Variants in NUBPL observed in about 807,000 individuals in gnomAD.
NUBPL encodes NUBP iron-sulfur cluster assembly factor, mitochondrial.
A neutral mutation model predicts 45.7 loss-of-function variants in NUBPL; 31 were observed. The ratio of observed to expected loss-of-function variants is 0.68; its 90% CI spans 0.51 to 0.92. NUBPL has a LOEUF of 0.92. Among genes scored for constraint, NUBPL ranks in the 40% least tolerant of loss-of-function variants. NUBPL has a pLI of 0.00. For missense variants in NUBPL, 401 were observed against 398.7 expected (o/e 1.01, Z -0.05); for synonymous variants, 144 against 140.9 (o/e 1.02, Z -0.15).
intron 4 of NUBPL, among the ~76,000 whole-genome samples, chr14:31,615,661 A>C (rs2034879391): frequency 1.3e-5 from 2 of 152,218 alleles, no homozygotes; most frequent in South Asian, 4.1e-4. Context: ...ATTTCATGAT[A>C]TATACATGCC....
At chr14:31,680,297 C>T (rs1024625907) in intron 6 of NUBPL, among the ~76,000 whole-genome samples, 37 of 151,994 alleles carry the variant, frequency 2.4e-4, no homozygotes, top group African/African-American at 8.2e-4. Context: ...GACATCCTGG[C>T]CTTTATCCTG....
intron 6 of NUBPL, among the ~76,000 whole-genome samples, chr14:31,765,150 T>C (rs945692939): frequency 6.6e-6 from 1 of 152,174 alleles, no homozygotes; most frequent in Non-Finnish European, 1.5e-5. Flanking sequence ...AAAAAAAAGG[T>C]CTGACTTCTG....
chr14:31,653,783 C>T (rs898813604), intron 4 of NUBPL, among the ~76,000 whole-genome samples: 7 of 152,076 alleles, frequency 4.6e-5, no homozygotes, highest in Admixed American at 1.3e-4. Context: ...GATAAATGTC[C>T]AGGAAATCTT....
intron 6 of NUBPL, among the ~76,000 whole-genome samples, chr14:31,689,734 C>T (rs2037049421): frequency 6.6e-6 from 1 of 152,132 alleles, no homozygotes; most frequent in Admixed American, 6.6e-5. Flanking sequence ...GAAATCTTTG[C>T]CATTCCTATG....
At chr14:31,606,686 G>A (rs777521306) in intron 4 of NUBPL, among the ~76,000 whole-genome samples, 1 of 152,014 alleles carries the variant, frequency 6.6e-6, no homozygotes, top group Non-Finnish European at 1.5e-5. Flanking sequence ...GGGCCACAGA[G>A]GGCAGGGCAT....
chr14:31,671,342 G>A (rs907684062), intron 4 of NUBPL, among the ~76,000 whole-genome samples: 1 of 152,166 alleles, frequency 6.6e-6, no homozygotes, highest in African/African-American at 2.4e-5. Context: ...AAACATAGGA[G>A]TGCAGATATC....
chr14:31,787,538 G>A (rs186015923), intron 6 of NUBPL, among the ~76,000 whole-genome samples: 5 of 152,162 alleles, frequency 3.3e-5, no homozygotes, highest in Non-Finnish European at 4.4e-5. Flanking sequence ...CAACATTAAC[G>A]TGTGTGTATG....
At chr14:31,570,711 C>T (rs960508011) in intron 3 of NUBPL, among the ~76,000 whole-genome samples, 1 of 152,108 alleles carries the variant, frequency 6.6e-6, no homozygotes, top group Non-Finnish European at 1.5e-5. Flanking sequence ...AATTAAGGCA[C>T]GTGCTACTTT....
intron 6 of NUBPL, among the ~76,000 whole-genome samples, chr14:31,769,634 T>C (rs1052961235): frequency 6.6e-6 from 1 of 151,922 alleles, no homozygotes; most frequent in African/African-American, 2.4e-5. Flanking sequence ...TTTCCTGTTC[T>C]TATATAAGGT....
At chr14:31,619,694 T>C (rs747947617) in intron 4 of NUBPL, among the ~76,000 whole-genome samples, 16 of 152,202 alleles carry the variant, frequency 1.1e-4, no homozygotes, top group Non-Finnish European at 2.4e-4. Flanking sequence ...TAACCCGGCC[T>C]TTCTCTCTGG....
intron 4 of NUBPL, among the ~76,000 whole-genome samples, chr14:31,628,125 G>T (rs1485499495): frequency 6.6e-6 from 1 of 152,118 alleles, no homozygotes; most frequent in East Asian, 1.9e-4. Context: ...TAAAAAAGAA[G>T]AATATTTTAA....
intron 6 of NUBPL, among the ~76,000 whole-genome samples, chr14:31,739,255 T>TCTATATATATATATA (rs1462893613): frequency 0.017 from 2,275 of 132,884 alleles, 51 homozygotes; most frequent in Non-Finnish European, 0.026. Context: ...TATATATATT[T>TCTATATATATATATA]TTTTTTTTTA....
intron 3 of NUBPL, among the ~76,000 whole-genome samples, chr14:31,592,235 A>G (rs1044470826): frequency 3.3e-5 from 5 of 152,204 alleles, no homozygotes; most frequent in Non-Finnish European, 5.9e-5. Flanking sequence ...TAATAAGGCC[A>G]ATGTGATTTC....
At chr14:31,809,905 G>A (rs2138898451) in intron 7 of NUBPL, among the ~76,000 whole-genome samples, 1 of 152,300 alleles carries the variant, frequency 6.6e-6, no homozygotes, top group East Asian at 1.9e-4. Flanking sequence ...AGGTTGTTAA[G>A]TTTCCATGTA....
intron 6 of NUBPL, among the ~76,000 whole-genome samples, chr14:31,684,244 G>A (rs2036902584): frequency 6.6e-6 from 1 of 152,162 alleles, no homozygotes; most frequent in East Asian, 1.9e-4. Context: ...GAGTTAATAT[G>A]TGTCATATGC....
At chr14:31,852,667 G>A (rs532367127) in intron 10 of NUBPL, among the ~76,000 whole-genome samples, 5 of 152,104 alleles carry the variant, frequency 3.3e-5, no homozygotes, top group South Asian at 4.1e-4. Context: ...GCAAAACTCC[G>A]TCAAAAAATA....
chr14:31,754,850 C>T (rs865861750), intron 6 of NUBPL, among the ~76,000 whole-genome samples: 6 of 89,558 alleles, frequency 6.7e-5, no homozygotes, highest in South Asian at 5.0e-4. Flanking sequence ...CCTCCCCCCT[C>T]CCCCCACCCC....
chr14:31,809,976 G>A lies in NUBPL; in HGVS notation c.608-16653G>A, dbSNP rs545163389. On this transcript the variant is annotated intron_variant, in intron 7 of 10. Coordinates refer to ENST00000281081, the MANE Select transcript of NUBPL (RefSeq NM_025152.3). ...TTCTAATTTGATTGCACTGTGGTCT[G>A]ATAGATAGTTTGTTGTGATTTCTGT... Among the ~76,000 whole-genome samples the A allele has an allele frequency of 3.3e-5, 5 of 152,336 alleles. No homozygotes were observed. In the East Asian group the frequency reaches 5.8e-4, roughly 18 times the overall value.
At chr14:31,586,395 A>C (rs1453329908) in intron 3 of NUBPL, among the ~76,000 whole-genome samples, 4 of 152,186 alleles carry the variant, frequency 2.6e-5, no homozygotes. Context: ...GGCAGGTAGA[A>C]AAATAGCAGA....
Sources: allele counts gnomAD v4.1 joint callset (sites outside exome capture counted in the v4.1 genomes callset), GRCh38; gene constraint gnomAD v4.1.1; transcripts MANE v1.5; gene names NCBI Gene and HGNC (gene_info 2026-07-23, HGNC 2026-07-21).